The following PER3 variants were observed in gnomAD, a reference collection of about 807,000 sequenced individuals.
PER3 encodes period circadian regulator 3.
PER3 carries 107 observed loss-of-function variants against 127.2 expected under a neutral mutation model. The ratio of observed to expected loss-of-function variants is 0.84; its 90% CI spans 0.72 to 0.99. The LOEUF (loss-of-function observed/expected upper bound fraction) is 0.99. Ranked by LOEUF, PER3 falls within the 50% of genes least tolerant of loss-of-function variation. PER3 has a pLI of 0.00. For missense variants in PER3, 1,560 were observed against 1,525.8 expected, an observed-to-expected ratio of 1.02 and a Z score of -0.37; for synonymous variants, 618 against 585.8, an observed-to-expected ratio of 1.05 and a Z score of -0.79.
chr1:7,844,044 C>CT lies in PER3; in HGVS notation c.*1296dup. 9.8e-7 allele frequency: 1 copy of CT among 1,024,222 alleles called. No individual in the cohort carries two copies. The highest frequency in any genetic ancestry group is 1.2e-6 in the Non-Finnish European group (1 of 816,720). The allele number at this position is 1,024,222 out of a possible 1,614,324, so 63.4% of individuals were successfully genotyped here. ...CAACAAACTAATTTATTTTTTTTTC[C>CT]TTTTTTTGTTTTTGGTTTTTTATGG... On this transcript the variant is annotated 3_prime_UTR_variant, in exon 22 of 22. Transcript: ENST00000377532.
chr1:7,815,363 TAAAAGC>T (rs1273075652), intron 13 of PER3, among the ~76,000 whole-genome samples: 4 of 152,098 alleles, frequency 2.6e-5, no homozygotes, highest in Non-Finnish European at 5.9e-5. Flanking sequence ...AAACATAGGT[TAAAAGC>T]AAAAGAGTAG....
chr1:7,831,350 CTT>C (rs1437086939), intron 19 of PER3, among the ~76,000 whole-genome samples: 1 of 152,174 alleles, frequency 6.6e-6, no homozygotes, highest in Non-Finnish European at 1.5e-5. Flanking sequence ...TTTAGTAGCT[CTT>C]TTTAGATTCT....
At position 7,843,987 on chromosome 1, in the gene PER3, G is replaced by T. The variant is rs1173706971; in HGVS notation, c.*1232G>T. ...AAAAAACAAATAGAAGAAAATGAGG[G>T]TTACAGTAACCTGTTGTCTTTATAT... On this transcript the variant is annotated 3_prime_UTR_variant, in exon 22 of 22. Coordinates refer to ENST00000377532, the MANE Select transcript of PER3 (RefSeq NM_001377275.1). 8.0e-7 allele frequency: 1 copy of T among 1,250,946 alleles called. No homozygotes were observed. Among genetic ancestry groups the T allele is most frequent in the Non-Finnish European group, 1.0e-6 (1 of 962,852 alleles). The allele number at this position is 1,250,946 out of a possible 1,614,324, so 77.5% of individuals were successfully genotyped here. A position where few individuals can be genotyped will look rare whatever the true frequency, so the allele number is the denominator to read the frequency against.
chr1:7,784,343 C>G lies in PER3; in HGVS notation c.-258C>G, dbSNP rs1204813171. On this transcript the variant is annotated 5_prime_UTR_variant, in exon 1 of 22. Coordinates refer to ENST00000377532, the MANE Select transcript of PER3 (RefSeq NM_001377275.1). The stretch of plus-strand genomic sequence containing the variant: ...GCGCGAGGGCGGCCCCGGGGGCGAG[C>G]GGCTGTGCGCGGGGCCAAGGGCGGG... The G allele has an allele frequency of 3.3e-5, 5 of 150,966 alleles. No homozygotes were observed. Among genetic ancestry groups the G allele is most frequent in the Admixed American group, 2.6e-4 (4 of 15,130 alleles). 9.4% of individuals were successfully genotyped at this position (150,966 alleles called of 1,614,324 possible).
At chr1:7,811,339 A>G (rs1447862249) in intron 13 of PER3, 1 of 152,214 alleles carries the variant, frequency 6.6e-6, no homozygotes, top group Admixed American at 6.5e-5. Context: ...GATAACAGCT[A>G]TATGCTTCAG....
chr1:7,785,054 C>T, intron 2 of PER3, 49 bp downstream of exon 2: 2 of 1,552,940 alleles, frequency 1.3e-6, no homozygotes, highest in Non-Finnish European at 1.7e-6. Context: ...GTTGTCCTTC[C>T]CTGGAGCAGG....
chr1:7,817,576 T>C (rs2097257252), intron 13 of PER3, among the ~76,000 whole-genome samples: 1 of 152,184 alleles, frequency 6.6e-6, no homozygotes, highest in Non-Finnish European at 1.5e-5. Context: ...CCGCTATAGA[T>C]AACGATGACC....
At chr1:7,837,539 G>A (rs2097364084) in intron 21 of PER3, among the ~76,000 whole-genome samples, 1 of 152,200 alleles carries the variant, frequency 6.6e-6, no homozygotes. Flanking sequence ...AAAGATGTAA[G>A]ATTCACACCA....
intron 6 of PER3, among the ~76,000 whole-genome samples, chr1:7,794,335 A>G (rs2097135454): frequency 6.6e-6 from 1 of 152,110 alleles, no homozygotes; most frequent in Non-Finnish European, 1.5e-5. Flanking sequence ...TCTACTAAAA[A>G]TACAAAAATT....
intron 13 of PER3, among the ~76,000 whole-genome samples, chr1:7,816,876 T>G (rs2097253965): frequency 1.3e-5 from 2 of 152,224 alleles, no homozygotes; most frequent in Non-Finnish European, 2.9e-5. Context: ...ACATGAATAT[T>G]TATTACACTG....
chr1:7,827,677 G>A lies in PER3; in HGVS notation c.2748G>A (p.Glu916=). 6.2e-7 allele frequency: 1 copy of A among 1,614,158 alleles called. No homozygotes were observed. Among genetic ancestry groups the A allele is most frequent in the Non-Finnish European group, 8.5e-7 (1 of 1,180,024 alleles). ...TSQRREEEKW[E]AQSEGHPFIT... The stretch of plus-strand genomic sequence containing the variant: ...AAAGGAGAGAGGAGGAAAAGTGGGA[G>A]GCACAAAGCGAGGGGCACCCGTTCA... Residue 916 remains glutamate, a synonymous_variant, in exon 18 of 22, where the codon GAG becomes GAA. Transcript: ENST00000377532.
chr1:7,784,610 GTC>G (rs2097075910), intron 1 of PER3, 42 bp from the exon 2 acceptor site: 1 of 338,986 alleles, frequency 2.9e-6, no homozygotes, highest in Non-Finnish European at 5.3e-6. Context: ...GCGTCGGACT[GTC>G]TGTTCCATTT....
chr1:7,796,319 C>CTTT (rs71567315), intron 6 of PER3, among the ~76,000 whole-genome samples: 5,225 of 109,706 alleles, frequency 0.048, 548 homozygotes, highest in East Asian at 0.28. Flanking sequence ...TTTCAGTTTC[C>CTTT]TTTTTTTTTT....
chr1:7,784,527 C>G (rs950687815), intron 1 of PER3, 127 bp from the exon 2 acceptor site: 1 of 175,808 alleles, frequency 5.7e-6, no homozygotes, highest in Non-Finnish European at 1.2e-5. Context: ...GGGCCCCATC[C>G]CTCGGCGCGC....
At chr1:7,804,600 C>A (rs1191971655) in intron 10 of PER3, among the ~76,000 whole-genome samples, 1 of 151,762 alleles carries the variant, frequency 6.6e-6, no homozygotes. Flanking sequence ...GGGGTTTTGC[C>A]ATGTTGCCCA....
At position 7,830,172 on chromosome 1, in the gene PER3, A is replaced by T; in HGVS notation, c.3214+11A>T. ...GTTCAGCAGCATCAGGTAGTGGATC[A>T]GGACAACTAATGTTTCAAACTCCAA... On this transcript the variant is annotated intron_variant, in intron 19 of 21. Coordinates refer to ENST00000377532, the MANE Select transcript of PER3 (RefSeq NM_001377275.1). 6.2e-7 allele frequency: 1 copy of T among 1,606,974 alleles called. No individual in the cohort carries two copies.
In PER3 at chr1:7,827,430, G is replaced by A. The variant is rs1436463316; in HGVS notation, c.2501G>A (p.Gly834Glu). 5 of 1,614,154 alleles carry A rather than the reference G, an allele frequency of 3.1e-6. No individual in the cohort carries two copies. Among genetic ancestry groups the A allele is most frequent in the Admixed American group, 3.3e-5 (2 of 60,024 alleles). The change falls in exon 18 of 22, where the codon GGG (glycine) becomes GAG (glutamate). Residue 834 changes from glycine to glutamate, a missense_variant. Physicochemically the swap from Gly to Glu is moderately conservative, Grantham distance 98 (BLOSUM62 -2). This residue lies in a region of PER3 where 1,332 missense variants were observed against 1,223.6 expected (regional missense o/e 1.09). Transcript: ENST00000377532. ...APGTAPEGLH[G>E]LPLSEGLQPY... ...GGAACTGCACCGGAAGGCCTGCATG[G>A]GCTGCCCTTGTCCGAGGGCTTGCAG...
Position 7,785,021 on chromosome 1 carries a change from C to T in PER3, c.128+16C>T. ...GCAGCCACAGGTGACGCGCTGGCTT[C>T]AGGCCGAGGGCCCCATGCGTTCGTT... On this transcript the variant is annotated intron_variant, in intron 2 of 21. Coordinates refer to ENST00000377532, the MANE Select transcript of PER3 (RefSeq NM_001377275.1). The T allele has an allele frequency of 6.4e-7, 1 of 1,569,460 alleles. No homozygotes were observed. The highest frequency in any genetic ancestry group is 1.2e-5 in the South Asian group (1 of 84,618).
At chr1:7,789,044 TTGTG>T (rs2097105815) in intron 5 of PER3, among the ~76,000 whole-genome samples, 1 of 152,096 alleles carries the variant, frequency 6.6e-6, no homozygotes, top group South Asian at 2.1e-4. Context: ...GCAGTTTTCT[TTGTG>T]ACATTCAGTC....
Sources: gnomAD v4.1 joint callset for allele counts (sites outside exome capture counted in the v4.1 genomes callset) on GRCh38, gnomAD v4.1.1 for gene constraint, gnomAD v4.1.1 regional missense constraint, MANE v1.5 for transcripts, NCBI Gene and HGNC (gene_info 2026-07-23, HGNC 2026-07-21) for gene names.